POLH: variants seen among roughly 807,000 people sequenced by gnomAD.
POLH encodes the protein DNA polymerase eta transcript.
A neutral mutation model predicts 73.6 loss-of-function variants in POLH; 53 were observed. The ratio of observed to expected loss-of-function variants is 0.72; its 90% CI spans 0.58 to 0.91. The LOEUF (loss-of-function observed/expected upper bound fraction) is 0.91. Among genes scored for constraint, POLH ranks in the 40% least tolerant of loss-of-function variants. The pLI is 0.00. For synonymous variants in POLH, 292 were observed against 308.5 expected, an observed-to-expected ratio of 0.95 and a Z score of 0.56; for missense variants, 768 against 865.4, an observed-to-expected ratio of 0.89 and a Z score of 1.41.
Position 43,620,089 on chromosome 6 carries a change from G to A in POLH, c.*5532G>A. 5.9e-6 allele frequency: 2 copies of A among 336,716 alleles called. No homozygotes were observed. Among genetic ancestry groups the A allele is most frequent in the South Asian group, 4.5e-5 (2 of 44,344 alleles). The allele number at this position is 336,716 out of a possible 1,614,324, so 20.9% of individuals were successfully genotyped here. The stretch of plus-strand genomic sequence containing the variant: ...TTGTTCCAAGAGTAATTTAGGCTAT[G>A]TAAACTTGAAAAATATGGGACCAGA... On this transcript the variant is annotated 3_prime_UTR_variant, in exon 11 of 11. Transcript: ENST00000372236.
At chr6:43,586,828 A>G (rs1561899734) in intron 3 of POLH, among the ~76,000 whole-genome samples, 2 of 152,230 alleles carry the variant, frequency 1.3e-5, no homozygotes, top group Non-Finnish European at 1.5e-5. Context: ...GGAAGACCAT[A>G]TACTCTGGTT....
At chr6:43,605,017 C>T (rs1301511933) in intron 8 of POLH, among the ~76,000 whole-genome samples, 1 of 152,080 alleles carries the variant, frequency 6.6e-6, no homozygotes, top group Non-Finnish European at 1.5e-5. Flanking sequence ...TTTCTCAGAG[C>T]TGGAACATGC....
chr6:43,610,768 T>C (rs374855998), intron 10 of POLH, 45 bp downstream of exon 10: 68 of 1,499,208 alleles, frequency 4.5e-5, no homozygotes, highest in Non-Finnish European at 5.9e-5. Flanking sequence ...ATGATGATTC[T>C]TAGCTCTGTC....
At chr6:43,602,369 T>C (rs890127957) in intron 6 of POLH, among the ~76,000 whole-genome samples, 1 of 152,190 alleles carries the variant, frequency 6.6e-6, no homozygotes, top group African/African-American at 2.4e-5. Context: ...GCATAATTGA[T>C]AAATGAATTG....
At chr6:43,582,262 C>G (rs968781728) in intron 1 of POLH, 54 bp from the exon 2 acceptor site, 7 of 1,546,914 alleles carry the variant, frequency 4.5e-6, no homozygotes, top group Non-Finnish European at 6.3e-6. Flanking sequence ...ACAGTTTTCC[C>G]TGGCATTTTG....
At position 43,619,364 on chromosome 6, in the gene POLH, CAAAAAAAAAAAAAAA is replaced by C. The variant is rs60046548; in HGVS notation, c.*4823_*4837del. Among the ~76,000 whole-genome samples, 1,354 of 37,146 alleles carry C rather than the reference CAAAAAAAAAAAAAAA, an allele frequency of 0.036. 29 individuals are homozygous for C. The highest frequency in any genetic ancestry group is 0.073 in the African/African-American group (1,263 of 17,254). The allele number at this position is 37,146 out of a possible 152,430, so 24.4% of individuals were successfully genotyped here. ...TGGGTGACAGTCTGAGACCCTGTCT[CAAAAAAAAAAAAAAA>C]AAAAAAAAAAAAAAAGACTACATTC... On this transcript the variant is annotated 3_prime_UTR_variant, in exon 11 of 11. Coordinates refer to ENST00000372236, the MANE Select transcript of POLH (RefSeq NM_006502.3).
In POLH at chr6:43,600,988, G is replaced by C. The variant is rs559506859; in HGVS notation, c.661G>C (p.Val221Leu). The C allele has an allele frequency of 2.2e-5, 35 of 1,612,120 alleles. No homozygotes were observed. In the Middle Eastern group the frequency reaches 5.0e-4, roughly 23 times the overall value. ...QCSAGISHNK[V>L]LAKLACGLNK... is the part of the protein sequence containing the mutation. ...GTTTTTATACTTTGCATGCTTCCAG[G>C]TCCTGGCAAAACTGGCCTGTGGACT... The change falls in exon 6 of 11, where the codon GTC becomes CTC. Residue 221 changes from valine to leucine, a missense_variant and splice_region_variant. Physicochemically the swap from Val to Leu is conservative, Grantham distance 32. Transcript: ENST00000372236.
At position 43,605,326 on chromosome 6, in the gene POLH, T is replaced by G. The variant is rs765856970; in HGVS notation, c.1074+7T>G. On this transcript the variant is annotated splice_region_variant and intron_variant, in intron 9 of 10. Coordinates refer to ENST00000372236, the MANE Select transcript of POLH (RefSeq NM_006502.3). ...GACTAAAGACCGAAATGATGTAAGA[T>G]TTTCTTTCTTTATTCCTGGGGTGGG... The G allele has an allele frequency of 2.6e-6, 4 of 1,524,284 alleles. No individual in the cohort carries two copies. The highest frequency in any genetic ancestry group is 3.6e-6 in the Non-Finnish European group (4 of 1,099,852). 94.4% of individuals were successfully genotyped at this position (1,524,284 alleles called of 1,614,324 possible).
At chr6:43,608,839 A>G (rs920104679) in intron 9 of POLH, among the ~76,000 whole-genome samples, 3 of 152,224 alleles carry the variant, frequency 2.0e-5, no homozygotes, top group Non-Finnish European at 1.5e-5. Context: ...TTCACACTTA[A>G]GGCATATTAA....
Position 43,587,267 on chromosome 6 carries a change from C to T in POLH, c.273-5C>T, listed in dbSNP as rs377589569. 5 of 1,610,802 alleles carry T rather than the reference C, an allele frequency of 3.1e-6. No individual in the cohort carries two copies. Among genetic ancestry groups the T allele is most frequent in the Non-Finnish European group, 4.2e-6 (5 of 1,176,998 alleles). The stretch of plus-strand genomic sequence containing the variant: ...GCCTGCATGAATGATCCTTATACTT[C>T]TTAGGTACCGGGAAGCCAGTGTTGA... On this transcript the variant is annotated splice_polypyrimidine_tract_variant and splice_region_variant and intron_variant, in intron 3 of 10. Transcript: ENST00000372236.
chr6:43,608,673 C>T (rs2127812271), intron 9 of POLH, among the ~76,000 whole-genome samples: 1 of 152,312 alleles, frequency 6.6e-6, no homozygotes, highest in Admixed American at 6.5e-5. Flanking sequence ...GGAGTACAGG[C>T]ATGAGCCACT....
At chr6:43,578,115 G>T (rs938298051) in intron 1 of POLH, among the ~76,000 whole-genome samples, 2 of 151,676 alleles carry the variant, frequency 1.3e-5, no homozygotes, top group African/African-American at 4.8e-5. Context: ...GGCCGAGCGC[G>T]ATGGCTCACG....
intron 1 of POLH, among the ~76,000 whole-genome samples, chr6:43,577,061 C>A (rs1231167880): frequency 3.3e-5 from 5 of 152,274 alleles, no homozygotes; most frequent in Non-Finnish European, 5.9e-5. Context: ...CGCCTGTAAT[C>A]CCAGCTACTC....
In POLH at chr6:43,582,349, T is replaced by C; in HGVS notation, c.30T>C (p.Ala10=). MATGQDRVV[A]LVDMDCFFVQ... is the part of the protein sequence containing the mutation. ...CTACTGGACAGGATCGAGTGGTTGC[T>C]CTCGTGGACATGGACTGTTTTTTTG... Residue 10 remains alanine (A), a synonymous_variant, in exon 2 of 11, where the codon GCT becomes GCC. Coordinates refer to ENST00000372236, the MANE Select transcript of POLH (RefSeq NM_006502.3). 6.2e-7 allele frequency: 1 copy of C among 1,614,146 alleles called. No individual in the cohort carries two copies. Among genetic ancestry groups the C allele is most frequent in the Non-Finnish European group, 8.5e-7 (1 of 1,180,008 alleles).
At chr6:43,606,459 C>T (rs1301897932) in intron 9 of POLH, among the ~76,000 whole-genome samples, 2 of 150,660 alleles carry the variant, frequency 1.3e-5, no homozygotes, top group African/African-American at 2.4e-5. Flanking sequence ...GACTGAGTTT[C>T]GCTCTATCGC....
At chr6:43,607,127 G>A (rs1263151186) in intron 9 of POLH, among the ~76,000 whole-genome samples, 4 of 152,152 alleles carry the variant, frequency 2.6e-5, no homozygotes, top group Admixed American at 6.5e-5. Flanking sequence ...ACGGAGTCTC[G>A]CTCTGTCACC....
At position 43,597,730 on chromosome 6, in the gene POLH, C is replaced by T. The variant is rs150901869; in HGVS notation, c.525C>T (p.Leu175=). Residue 175 remains leucine, a synonymous_variant, in exon 5 of 11, where the codon CTC becomes CTT. Coordinates refer to ENST00000372236, the MANE Select transcript of POLH (RefSeq NM_006502.3). ...GMRKQGLFQW[L]DSLQIDNLTS... is the part of the protein sequence containing the mutation. ...GAAAACAAGGCTTATTTCAATGGCTCGATTCTCTTCAGATTGATAACCTCA... is the reference window on the plus strand; with the variant it reads ...GAAAACAAGGCTTATTTCAATGGCTTGATTCTCTTCAGATTGATAACCTCA... 214 of 1,613,860 alleles carry T rather than the reference C, an allele frequency of 1.3e-4. No homozygotes were observed. Among genetic ancestry groups the T allele is most frequent in the Non-Finnish European group, 1.7e-4 (195 of 1,179,924 alleles).
rs1387070245 is a variant in POLH at position 43,616,076 on chromosome 6, CAG to C, written c.*1520_*1521del. ...GGCCGAGGCGGGCGGATCACAAGGTCAGGAGATCGAGACCACGGTGAAACCCC... is the reference window on the plus strand; with the variant it reads ...GGCCGAGGCGGGCGGATCACAAGGTCGAGATCGAGACCACGGTGAAACCCC... On this transcript the variant is annotated 3_prime_UTR_variant, in exon 11 of 11. Coordinates refer to ENST00000372236, the MANE Select transcript of POLH (RefSeq NM_006502.3). Among the ~76,000 whole-genome samples, 1 of 151,870 alleles carries C rather than the reference CAG, an allele frequency of 6.6e-6. No individual in the cohort carries two copies. The highest frequency in any genetic ancestry group is 1.5e-5 in the Non-Finnish European group (1 of 67,908).
chr6:43,595,496 C>T (rs1259453486), intron 4 of POLH, among the ~76,000 whole-genome samples: 1 of 151,928 alleles, frequency 6.6e-6, no homozygotes, highest in Admixed American at 6.6e-5. Context: ...GCCTATAATC[C>T]CAGCACTTTG....
Sources: gnomAD v4.1 joint callset for allele counts (sites outside exome capture counted in the v4.1 genomes callset) on GRCh38, gnomAD v4.1.1 for gene constraint, MANE v1.5 for transcripts, NCBI Gene and HGNC (gene_info 2026-07-23, HGNC 2026-07-21) for gene names.